Variants in PCDH11X observed in about 807,000 individuals in gnomAD.
PCDH11X encodes the protein protocadherin 11 X-linked.
In PCDH11X, 18 loss-of-function variants were observed where a neutral mutation model predicts 53.3. The observed-to-expected ratio is 0.34, with a 90% confidence interval of 0.23 to 0.50. The LOEUF (loss-of-function observed/expected upper bound fraction) is 0.50. Ranked by LOEUF, PCDH11X falls within the 20% of genes least tolerant of loss-of-function variation. The pLI, the probability that PCDH11X is intolerant of heterozygous loss-of-function variation, is 0.98. For synonymous variants in PCDH11X, 279 were observed against 393.3 expected (o/e 0.71, Z 3.44); for missense variants, 570 against 1,032.4 (o/e 0.55, Z 6.14).
chrX:92,474,002 CTGT>C (rs929220523), intron 10 of PCDH11X, among the ~76,000 whole-genome samples: 3 of 110,633 alleles, frequency 2.7e-5, no homozygotes, highest in Non-Finnish European at 3.8e-5. Flanking sequence ...TTTGCTGTTG[CTGT>C]TGTTGTTGAT....
At chrX:91,832,827 T>C (rs1937159899) in intron 4 of PCDH11X, among the ~76,000 whole-genome samples, 1 of 110,891 alleles carries the variant, frequency 9.0e-6, no homozygotes, top group Admixed American at 9.7e-5. Context: ...TCCCAGGAAT[T>C]CAAGGTTGTT....
At chrX:92,136,278 G>A (rs984694077) in intron 6 of PCDH11X, among the ~76,000 whole-genome samples, 15 of 110,528 alleles carry the variant, frequency 1.4e-4, no homozygotes, top group African/African-American at 4.9e-4. Context: ...AAATACAAAG[G>A]CACTAGATGT....
chrX:92,316,368 G>C (rs1205673258), intron 8 of PCDH11X, among the ~76,000 whole-genome samples: 1 of 110,243 alleles, frequency 9.1e-6, no homozygotes, highest in Non-Finnish European at 1.9e-5. Flanking sequence ...ACCAGTGAAT[G>C]CTGCATTTGA....
At position 92,562,913 on chromosome X, in the gene PCDH11X, A is replaced by G. The variant is rs376587869; in HGVS notation, c.3368-55351A>G. 4.6e-3 allele frequency among the ~76,000 whole-genome samples: 510 copies of G among 110,292 alleles called. 5 individuals are homozygous for G. Among genetic ancestry groups the G allele is most frequent in the African/African-American group, 0.016 (484 of 30,224 alleles). ...ACAACAATTTAACCAGTCACTAAAA[A>G]GTTTCAAACATTCCCTCATCTTCCT... is the stretch of plus-strand genomic sequence containing the variant. On this transcript the variant is annotated intron_variant, in intron 10 of 10. Transcript: ENST00000682573.
At chrX:92,257,543 G>T (rs1200086723) in intron 7 of PCDH11X, among the ~76,000 whole-genome samples, 3 of 112,257 alleles carry the variant, frequency 2.7e-5, no homozygotes, top group Non-Finnish European at 5.6e-5. Flanking sequence ...ACACAAGTTA[G>T]TTACTTCCAA....
At chrX:91,997,166 A>T (rs1245914763) in intron 6 of PCDH11X, among the ~76,000 whole-genome samples, 6 of 111,384 alleles carry the variant, frequency 5.4e-5, no homozygotes, top group Non-Finnish European at 1.1e-4. Flanking sequence ...TCACCTGCAA[A>T]CACAGAAAAT....
At chrX:92,410,742 G>C (rs35626032) in intron 9 of PCDH11X, among the ~76,000 whole-genome samples, 10 of 91,751 alleles carry the variant, frequency 1.1e-4, no homozygotes, top group African/African-American at 5.3e-4. Context: ...TTAGAAGCTC[G>C]TATTTTGAAT....
intron 10 of PCDH11X, among the ~76,000 whole-genome samples, chrX:92,476,171 C>T (rs1329696718): frequency 1.0e-5 from 1 of 100,361 alleles, no homozygotes; most frequent in Non-Finnish European, 2.2e-5. Flanking sequence ...TCTCTCTTTC[C>T]TGCTGCCATG....
intron 6 of PCDH11X, among the ~76,000 whole-genome samples, chrX:91,925,734 C>G (rs1307201468): frequency 4.5e-5 from 5 of 110,796 alleles, no homozygotes; most frequent in African/African-American, 9.8e-5. Context: ...GTTAATAATA[C>G]TATTCTTTTT....
chrX:92,444,484 G>A (rs746063867), intron 9 of PCDH11X, among the ~76,000 whole-genome samples: 1 of 104,388 alleles, frequency 9.6e-6, no homozygotes, highest in Non-Finnish European at 2.0e-5. Context: ...CACAAACAGT[G>A]GTAGTTTGAC....
chrX:92,544,514 G>T (rs1393098992), intron 10 of PCDH11X, among the ~76,000 whole-genome samples: 4 of 108,562 alleles, frequency 3.7e-5, no homozygotes, highest in Non-Finnish European at 7.6e-5. Flanking sequence ...TGAAAAGTCA[G>T]CACGAGTGCA....
At chrX:92,402,613 C>T (rs1484260556) in intron 9 of PCDH11X, among the ~76,000 whole-genome samples, 7 of 111,547 alleles carry the variant, frequency 6.3e-5, no homozygotes, top group Non-Finnish European at 1.1e-4. Context: ...TTCCTTACAC[C>T]GTATACAAAA....
intron 6 of PCDH11X, among the ~76,000 whole-genome samples, chrX:91,971,697 A>G (rs183031621): frequency 6.1e-4 from 69 of 112,216 alleles, no homozygotes; most frequent in Non-Finnish European, 1.1e-3. Context: ...TTTGACAGTG[A>G]ACAGAAGCTG....
At chrX:92,295,851 G>A (rs1192934738) in intron 8 of PCDH11X, among the ~76,000 whole-genome samples, 1 of 108,284 alleles carries the variant, frequency 9.2e-6, no homozygotes, top group Non-Finnish European at 1.9e-5. Context: ...AGGCCTAGGC[G>A]GGCGGATCCC....
intron 10 of PCDH11X, among the ~76,000 whole-genome samples, chrX:92,543,442 G>T (rs777188319): frequency 1.8e-5 from 2 of 108,651 alleles, no homozygotes; most frequent in Non-Finnish European, 3.8e-5. Context: ...CATGAAAAGA[G>T]ATTTTGTTTT....
intron 7 of PCDH11X, among the ~76,000 whole-genome samples, chrX:92,207,357 A>G (rs1019504646): frequency 4.5e-5 from 5 of 111,491 alleles, no homozygotes; most frequent in Non-Finnish European, 1.9e-5. Flanking sequence ...TTCCACAGTA[A>G]ATTCACCCTT....
At chrX:92,440,043 C>T (rs1325908711) in intron 9 of PCDH11X, among the ~76,000 whole-genome samples, 2 of 93,199 alleles carry the variant, frequency 2.1e-5, no homozygotes, top group Non-Finnish European at 4.4e-5. Context: ...CATGTTTTTC[C>T]TCTTGGTATT....
intron 6 of PCDH11X, among the ~76,000 whole-genome samples, chrX:92,069,700 G>T (rs1478599023): frequency 2.7e-5 from 3 of 110,367 alleles, no homozygotes; most frequent in Non-Finnish European, 5.7e-5. Flanking sequence ...TTATTTTTTT[G>T]AGACAAAGTC....
rs755996100 is a variant in PCDH11X, at chrX:91,791,857, ATTTTTTTTTTTT to A, written c.-379+12184_-379+12195del. Among the ~76,000 whole-genome samples the A allele has an allele frequency of 3.8e-3, 320 of 83,159 alleles. 4 individuals carry two copies. The highest frequency in any genetic ancestry group is 0.015 in the African/African-American group (311 of 20,905). The allele number at this position is 83,159 out of a possible 115,157, so 72.2% of individuals were successfully genotyped here. On this transcript the variant is annotated intron_variant, in intron 1 of 10. Transcript: ENST00000682573. ...TCAGTTCTATGAACACGATCAGTAC[ATTTTTTTTTTTT>A]TTTTTTTTTTGAGACGGAGTCTCGC...
Sources: allele counts gnomAD v4.1 joint callset (sites outside exome capture counted in the v4.1 genomes callset), GRCh38; gene constraint gnomAD v4.1.1; transcripts MANE v1.5; gene names NCBI Gene and HGNC (gene_info 2026-07-23, HGNC 2026-07-21).